Variants in MAGI3 observed in about 807,000 individuals in gnomAD.
MAGI3 encodes membrane-associated guanylate kinase, WW and PDZ domain-containing protein 3.
MAGI3 carries 43 observed loss-of-function variants against 121.8 expected under a neutral mutation model. The observed-to-expected ratio is 0.35, with a 90% CI of 0.28 to 0.46. The LOEUF (loss-of-function observed/expected upper bound fraction) is 0.46, where lower values mean the gene tolerates loss of function less well. Among genes scored for constraint, MAGI3 ranks in the 20% least tolerant of loss-of-function variants. The probability of loss-of-function intolerance (pLI) is 1.00; values close to 1 mark genes in which losing one functional copy is unlikely to be tolerated. For missense variants in MAGI3, 1,547 were observed against 1,797.3 expected (o/e 0.86, Z 2.52); for synonymous variants, 553 against 639.3 (o/e 0.86, Z 2.04).
At chr1:113,533,697 G>A (rs1052688471) in intron 1 of MAGI3, among the ~76,000 whole-genome samples, 1 of 151,942 alleles carries the variant, frequency 6.6e-6, no homozygotes, top group East Asian at 1.9e-4. Flanking sequence ...CCAAGCGAAC[G>A]GAATACAGAT....
intron 2 of MAGI3, among the ~76,000 whole-genome samples, chr1:113,556,031 A>G (rs974475502): frequency 6.6e-6 from 1 of 152,238 alleles, no homozygotes; most frequent in Non-Finnish European, 1.5e-5. Flanking sequence ...ATTGAAATGT[A>G]TCAAACACAA....
intron 1 of MAGI3, among the ~76,000 whole-genome samples, chr1:113,525,269 C>G (rs1296214355): frequency 4.6e-5 from 7 of 152,048 alleles, no homozygotes; most frequent in Admixed American, 4.6e-4. Flanking sequence ...TATTCTTTCT[C>G]TCTCTGTTTA....
chr1:113,635,024 GCT>G (rs1412248265), intron 9 of MAGI3, among the ~76,000 whole-genome samples: 1 of 151,838 alleles, frequency 6.6e-6, no homozygotes, highest in African/African-American at 2.4e-5. Flanking sequence ...TCATGATTTG[GCT>G]CTCTGTTTGT....
Position 113,390,583 on chromosome 1 carries a change from G to A in MAGI3, c.-451G>A, listed in dbSNP as rs1375653385. ...CTCCGCAGCGGCCACGATCGATCCC[G>A]CGACGGGTCTACGCGCGCTTCTGCG... On this transcript the variant is annotated 5_prime_UTR_variant, in exon 1 of 21. Coordinates refer to ENST00000307546, the MANE Select transcript of MAGI3 (RefSeq NM_001142782.2). Among the ~76,000 whole-genome samples the A allele has an allele frequency of 1.3e-5, 2 of 152,064 alleles. No individual in the cohort carries two copies. The highest frequency in any genetic ancestry group is 1.9e-4 in the East Asian group (1 of 5,162).
intron 2 of MAGI3, among the ~76,000 whole-genome samples, chr1:113,565,437 C>T (rs1262205316): frequency 6.6e-6 from 1 of 152,070 alleles, no homozygotes; most frequent in Non-Finnish European, 1.5e-5. Flanking sequence ...GATTTTAGAT[C>T]CGTTTCTTAT....
intron 1 of MAGI3, among the ~76,000 whole-genome samples, chr1:113,496,710 T>A (rs1656935393): frequency 6.6e-6 from 1 of 152,164 alleles, no homozygotes; most frequent in Non-Finnish European, 1.5e-5. Flanking sequence ...TTTCAGCATG[T>A]TTAAATATTT....
intron 1 of MAGI3, among the ~76,000 whole-genome samples, chr1:113,504,186 C>T (rs966786166): frequency 6.6e-6 from 1 of 151,712 alleles, no homozygotes; most frequent in Admixed American, 6.6e-5. Context: ...GTTGATTAAA[C>T]AGGAAATCTA....
At chr1:113,456,652 T>C (rs913352944) in intron 1 of MAGI3, among the ~76,000 whole-genome samples, 2 of 152,224 alleles carry the variant, frequency 1.3e-5, no homozygotes, top group African/African-American at 4.8e-5. Context: ...ATGGTGATCT[T>C]AATGCCACAA....
In MAGI3 at chr1:113,646,490, C is replaced by G; in HGVS notation, c.2003C>G (p.Thr668Arg). ...TAAGGCTCTTTTCCATTTCAGAAAA[C>G]AGATAAAAAGGAAAATGCAGGAAGT... ...PSPTKTAKMK[T>R]DKKENAGSLE... is the part of the protein sequence containing the mutation. The change falls in exon 12 of 21, where the codon ACA becomes AGA. Residue 668 changes from threonine (T) to arginine (R), a missense_variant. Thr to Arg is a moderately conservative substitution (Grantham distance 71, BLOSUM62 -1). Transcript: ENST00000307546. 3 of 1,586,806 alleles carry G rather than the reference C, an allele frequency of 1.9e-6. No individual in the cohort carries two copies. The highest frequency in any genetic ancestry group is 2.6e-6 in the Non-Finnish European group (3 of 1,170,530).
intron 1 of MAGI3, among the ~76,000 whole-genome samples, chr1:113,505,666 G>T (rs556475084): frequency 1.3e-5 from 2 of 152,202 alleles, no homozygotes; most frequent in African/African-American, 4.8e-5. Flanking sequence ...TTTTGGATAA[G>T]GTAGTGAGGA....
At chr1:113,437,904 CCTTCTCCTTCTCCTTCTCCTCCTTCT>C (rs1557757338) in intron 1 of MAGI3, among the ~76,000 whole-genome samples, 7 of 3,880 alleles carry the variant, frequency 1.8e-3, no homozygotes, top group African/African-American at 5.0e-3. Flanking sequence ...TTCTCCTTCT[CCTTCTCCTTCTCCTTCTCCTCCTTCT>C]CCTTCTCCTT....
chr1:113,484,858 G>A (rs72687949), intron 1 of MAGI3, among the ~76,000 whole-genome samples: 22,651 of 150,756 alleles, frequency 0.15, 2,709 homozygotes, highest in East Asian at 0.63. Flanking sequence ...CCAGGTAGCT[G>A]GGACTACAGG....
chr1:113,646,606 G>A lies in MAGI3; in HGVS notation c.2119G>A (p.Val707Ile), dbSNP rs373563774. The A allele has an allele frequency of 6.2e-7, 1 of 1,609,912 alleles. No individual in the cohort carries two copies. Among genetic ancestry groups the A allele is most frequent in the Non-Finnish European group, 8.5e-7 (1 of 1,178,166 alleles). Reference protein sequence around the residue: ...SGSPKLDPSEVYLKSKTLYED... With the variant: ...SGSPKLDPSEIYLKSKTLYED... ...ATCCCCAAAATTGGATCCTTCTGAG[G>A]TCTACCTGAAATCTAAGACTTTATA... The change falls in exon 12 of 21, where the codon GTC becomes ATC. Residue 707 changes from valine to isoleucine, a missense_variant. Transcript: ENST00000307546.
At position 113,589,743 on chromosome 1, in the gene MAGI3, A is replaced by G. The variant is rs563069736; in HGVS notation, c.764-741A>G. Among the ~76,000 whole-genome samples, 7 of 152,210 alleles carry G rather than the reference A, an allele frequency of 4.6e-5. No homozygotes were observed. The East Asian group carries it at 1.4e-3, about 29-fold the overall frequency. ...AGTTGTTATAGTGATATTACATAGCATCGTTTAAGTTTTAGAAACAAGTTT... is the reference window on the plus strand; with the variant it reads ...AGTTGTTATAGTGATATTACATAGCGTCGTTTAAGTTTTAGAAACAAGTTT... On this transcript the variant is annotated intron_variant, in intron 4 of 20. Coordinates refer to ENST00000307546, the MANE Select transcript of MAGI3 (RefSeq NM_001142782.2).
At chr1:113,416,334 C>T (rs60453499) in intron 1 of MAGI3, among the ~76,000 whole-genome samples, 12,599 of 47,728 alleles carry the variant, frequency 0.26, 1,699 homozygotes, top group Non-Finnish European at 0.33. Context: ...AATTATATAT[C>T]AATCATATAT....
chr1:113,520,878 A>G (rs1042927434), intron 1 of MAGI3, among the ~76,000 whole-genome samples: 5 of 152,090 alleles, frequency 3.3e-5, no homozygotes, highest in East Asian at 3.9e-4. Context: ...CTGGGATTAC[A>G]GGTGTGAGCC....
chr1:113,444,847 G>C (rs567677080), intron 1 of MAGI3, among the ~76,000 whole-genome samples: 2 of 152,134 alleles, frequency 1.3e-5, no homozygotes, highest in East Asian at 3.8e-4. Context: ...AAAGGAAGAC[G>C]TGGGGAAAGT....
chr1:113,524,562 A>G (rs776135679), intron 1 of MAGI3, among the ~76,000 whole-genome samples: 11 of 152,148 alleles, frequency 7.2e-5, no homozygotes, highest in South Asian at 2.1e-4. Context: ...TCGGACTTGC[A>G]TGGGGTCTTT....
rs577129891 is a variant in MAGI3, at chr1:113,653,429, G to A, written c.2441-401G>A. Among the ~76,000 whole-genome samples, 32 of 152,112 alleles carry A rather than the reference G, an allele frequency of 2.1e-4. No individual in the cohort carries two copies. In the South Asian group the frequency reaches 2.9e-3, roughly 14 times the overall value. The stretch of plus-strand genomic sequence containing the variant: ...TCTTCTAAAAATACAAAAATTAGCC[G>A]GGCATGGTGGTGGGCACCTGTAATC... On this transcript the variant is annotated intron_variant, in intron 14 of 20. Transcript: ENST00000307546.
Sources: gnomAD v4.1 joint callset for allele counts (sites outside exome capture counted in the v4.1 genomes callset) on GRCh38, gnomAD v4.1.1 for gene constraint, MANE v1.5 for transcripts, NCBI Gene and HGNC (gene_info 2026-07-23, HGNC 2026-07-21) for gene names.